Variants in EXOC4 observed in about 807,000 individuals in gnomAD.
EXOC4 encodes SEC8-like 1.
Under a neutral mutation model 107.2 loss-of-function variants are expected in EXOC4, and 71 were observed. That is an observed-to-expected ratio of 0.66 (90% CI 0.55 to 0.81). The LOEUF (loss-of-function observed/expected upper bound fraction) is 0.81, where lower values mean the gene tolerates loss of function less well. EXOC4 is among the 30% of genes least tolerant of loss of function. The pLI is 0.00. For synonymous variants in EXOC4, 456 were observed against 441.2 expected (o/e 1.03, Z -0.42); for missense variants, 1,108 against 1,189.6 (o/e 0.93, Z 1.01).
intron 9 of EXOC4, among the ~76,000 whole-genome samples, chr7:133,536,493 A>G (rs1257815130): frequency 1.3e-5 from 2 of 152,074 alleles, no homozygotes; most frequent in East Asian, 3.9e-4. Flanking sequence ...AATTTTTATC[A>G]CACTACTTTT....
intron 10 of EXOC4, among the ~76,000 whole-genome samples, chr7:133,655,551 A>G (rs1050557109): frequency 6.6e-6 from 1 of 152,172 alleles, no homozygotes; most frequent in East Asian, 1.9e-4. Flanking sequence ...CTGTTTTGGA[A>G]ATTTTTTATT....
intron 11 of EXOC4, among the ~76,000 whole-genome samples, chr7:133,822,126 G>A (rs1797536242): frequency 6.6e-6 from 1 of 152,182 alleles, no homozygotes; most frequent in Non-Finnish European, 1.5e-5. Context: ...CCTGTTGCAA[G>A]GAAAGCATGT....
At chr7:133,749,509 C>G (rs1795745690) in intron 10 of EXOC4, among the ~76,000 whole-genome samples, 1 of 152,078 alleles carries the variant, frequency 6.6e-6, no homozygotes, top group Non-Finnish European at 1.5e-5. Context: ...TCTCATATCT[C>G]AGCCTCCGGA....
intron 11 of EXOC4, among the ~76,000 whole-genome samples, chr7:133,833,927 A>G (rs73155113): frequency 0.12 from 18,252 of 152,038 alleles, 1,198 homozygotes; most frequent in Middle Eastern, 0.15. Context: ...TCACTTATAT[A>G]CCAGTTATTG....
At chr7:133,592,125 G>A (rs1200033718) in intron 9 of EXOC4, among the ~76,000 whole-genome samples, 1 of 152,068 alleles carries the variant, frequency 6.6e-6, no homozygotes, top group Non-Finnish European at 1.5e-5. Context: ...GCAGTGACAT[G>A]ATCAGAGCTT....
intron 10 of EXOC4, among the ~76,000 whole-genome samples, chr7:133,713,409 T>C (rs997325531): frequency 1.3e-5 from 2 of 152,238 alleles, no homozygotes; most frequent in Non-Finnish European, 2.9e-5. Flanking sequence ...ATTAATTTCA[T>C]CATTCTGAAA....
At chr7:133,407,506 A>G (rs1797248991) in intron 7 of EXOC4, among the ~76,000 whole-genome samples, 1 of 152,188 alleles carries the variant, frequency 6.6e-6, no homozygotes, top group Non-Finnish European at 1.5e-5. Context: ...ACGATTGGGT[A>G]TAGAGGTTAA....
At chr7:133,915,858 A>C (rs1325499738) in intron 12 of EXOC4, among the ~76,000 whole-genome samples, 2 of 152,338 alleles carry the variant, frequency 1.3e-5, no homozygotes, top group Admixed American at 6.5e-5. Flanking sequence ...ACTATGAGAA[A>C]ACATTTGCTT....
chr7:134,085,879 G>C, the EXOC4 span, among the ~76,000 whole-genome samples: 1 of 152,170 alleles, frequency 6.6e-6, no homozygotes, highest in South Asian at 2.1e-4. Flanking sequence ...CTTTGAAAAA[G>C]CTCCAACATA....
chr7:133,490,583 G>A lies in EXOC4; in HGVS notation c.1417+10445G>A, dbSNP rs145458327. ...TCATCAGAGTTTCACAACATGAATC[G>A]GATATTTTTCTACTAATTAAGGAAC... On this transcript the variant is annotated intron_variant, in intron 9 of 17. Transcript: ENST00000253861. Among the ~76,000 whole-genome samples, 284 of 152,158 alleles carry A rather than the reference G, an allele frequency of 1.9e-3. No homozygotes were observed. The Middle Eastern group carries it at 0.024, about 13-fold the overall frequency.
chr7:134,023,789 G>C (rs1394331779), intron 17 of EXOC4, among the ~76,000 whole-genome samples: 1 of 152,226 alleles, frequency 6.6e-6, no homozygotes, highest in African/African-American at 2.4e-5. Flanking sequence ...AGAACTTAAA[G>C]GAGGGATGGC....
At chr7:133,613,342 C>T (rs1802116571) in intron 9 of EXOC4, among the ~76,000 whole-genome samples, 1 of 152,124 alleles carries the variant, frequency 6.6e-6, no homozygotes, top group Non-Finnish European at 1.5e-5. Flanking sequence ...TTCGTAGTCA[C>T]CTCCTGTTGC....
chr7:133,636,432 A>G (rs1307234395), intron 10 of EXOC4, among the ~76,000 whole-genome samples: 5 of 152,200 alleles, frequency 3.3e-5, no homozygotes, highest in Non-Finnish European at 7.3e-5. Flanking sequence ...GTTTATGCAA[A>G]AAGTGAGTTT....
intron 11 of EXOC4, among the ~76,000 whole-genome samples, chr7:133,830,859 G>A (rs1158605122): frequency 3.3e-5 from 5 of 152,110 alleles, no homozygotes; most frequent in Admixed American, 3.3e-4. Context: ...ATGCCCTCTT[G>A]CTGTTCGGGA....
chr7:133,701,329 A>C (rs894348264), intron 10 of EXOC4, among the ~76,000 whole-genome samples: 2 of 152,204 alleles, frequency 1.3e-5, no homozygotes, highest in South Asian at 4.1e-4. Context: ...AAATATTTTA[A>C]TGAAGGAGAA....
chr7:133,420,686 T>G (rs1431414013), intron 7 of EXOC4, among the ~76,000 whole-genome samples: 1 of 152,082 alleles, frequency 6.6e-6, no homozygotes, highest in Non-Finnish European at 1.5e-5. Flanking sequence ...AATCTACATT[T>G]CAGTGACATT....
intron 9 of EXOC4, among the ~76,000 whole-genome samples, chr7:133,542,817 A>G (rs573275191): frequency 2.6e-5 from 4 of 152,152 alleles, no homozygotes; most frequent in Non-Finnish European, 4.4e-5. Context: ...ATTTAATTCT[A>G]TGTTTGATTG....
At position 133,944,636 on chromosome 7, in the gene EXOC4, A is replaced by G. The variant is rs923095669; in HGVS notation, c.2206+6567A>G. Reference sequence around the variant, plus strand: ...CAAATTGCTTATCTTTCTAGTGGCTATTTTTTTAACATGATAGAAGCATCT... The same window carrying G: ...CAAATTGCTTATCTTTCTAGTGGCTGTTTTTTTAACATGATAGAAGCATCT... On this transcript the variant is annotated intron_variant, in intron 14 of 17. Coordinates refer to ENST00000253861, the MANE Select transcript of EXOC4 (RefSeq NM_021807.4). Among the ~76,000 whole-genome samples, 5 of 152,126 alleles carry G rather than the reference A, an allele frequency of 3.3e-5. No individual in the cohort carries two copies. In the South Asian group the frequency reaches 1.0e-3, roughly 31 times the overall value.
intron 11 of EXOC4, among the ~76,000 whole-genome samples, chr7:133,862,365 C>G (rs1798551990): frequency 6.6e-6 from 1 of 151,910 alleles, no homozygotes; most frequent in East Asian, 1.9e-4. Flanking sequence ...GCGCATGCCT[C>G]CCAGCTACTC....
Sources: allele counts gnomAD v4.1 joint callset (sites outside exome capture counted in the v4.1 genomes callset), GRCh38; gene constraint gnomAD v4.1.1; transcripts MANE v1.5; gene names NCBI Gene and HGNC (gene_info 2026-07-23, HGNC 2026-07-21).